APBA2: variants seen among roughly 807,000 people sequenced by gnomAD.
APBA2 encodes amyloid beta precursor protein binding family A member 2, also known as amyloid-beta A4 precursor protein-binding family A member 2.
APBA2 carries 30 observed loss-of-function variants against 75.0 expected under a neutral mutation model. The observed-to-expected ratio is 0.40, with a 90% CI of 0.30 to 0.54. The LOEUF (loss-of-function observed/expected upper bound fraction) is 0.54, where lower values mean the gene tolerates loss of function less well. Ranked by LOEUF, APBA2 falls within the 20% of genes least tolerant of loss-of-function variation. The probability of loss-of-function intolerance (pLI) is 0.49; values close to 1 mark genes in which losing one functional copy is unlikely to be tolerated. For synonymous variants in APBA2, 444 were observed against 409.6 expected (o/e 1.08, Z -1.01); for missense variants, 801 against 1,016.1 (o/e 0.79, Z 2.88).
chr15:28,934,469 T>C (rs1209664260), intron 2 of APBA2, among the ~76,000 whole-genome samples: 1 of 152,098 alleles, frequency 6.6e-6, no homozygotes, highest in African/African-American at 2.4e-5. Context: ...GGGAAAACTT[T>C]AGAGGCAGGA....
intron 14 of APBA2, 90 bp from the exon 15 acceptor site, chr15:29,116,972 C>T (rs995769245): frequency 7.2e-7 from 1 of 1,386,578 alleles, no homozygotes. Flanking sequence ...AAGCAGAACT[C>T]TGGGGGGTTT....
chr15:28,994,315 C>T (rs528893040), intron 2 of APBA2, among the ~76,000 whole-genome samples: 11 of 152,262 alleles, frequency 7.2e-5, no homozygotes, highest in Admixed American at 5.9e-4. Flanking sequence ...GACTCCACTG[C>T]GGAAAGCGTG....
At chr15:29,100,551 G>A (rs1441983023) in intron 9 of APBA2, among the ~76,000 whole-genome samples, 1 of 152,214 alleles carries the variant, frequency 6.6e-6, no homozygotes, top group Non-Finnish European at 1.5e-5. Context: ...TCCTGTCCAA[G>A]GACAAAAAAC....
At chr15:29,060,718 A>C (rs1010384429) in intron 4 of APBA2, among the ~76,000 whole-genome samples, 4 of 152,092 alleles carry the variant, frequency 2.6e-5, no homozygotes, top group Admixed American at 2.0e-4. Flanking sequence ...CAGATCAAAC[A>C]AGTCAAGTAA....
intron 6 of APBA2, among the ~76,000 whole-genome samples, chr15:29,081,132 T>C (rs1467592788): frequency 6.6e-6 from 1 of 152,198 alleles, no homozygotes; most frequent in Non-Finnish European, 1.5e-5. Flanking sequence ...AGCTGCTTTG[T>C]TGGTTTCATA....
At chr15:29,083,131 A>C (rs2043151317) in intron 6 of APBA2, among the ~76,000 whole-genome samples, 1 of 152,218 alleles carries the variant, frequency 6.6e-6, no homozygotes, top group African/African-American at 2.4e-5. Flanking sequence ...ATTATTTTAA[A>C]TTATTTAAAT....
At chr15:28,931,010 G>A (rs907675196) in intron 2 of APBA2, among the ~76,000 whole-genome samples, 7 of 152,194 alleles carry the variant, frequency 4.6e-5, no homozygotes, top group African/African-American at 1.4e-4. Context: ...CTCGGGTGCC[G>A]CGTCCGCAGA....
At chr15:29,029,880 C>T (rs934293658) in intron 3 of APBA2, among the ~76,000 whole-genome samples, 7 of 152,246 alleles carry the variant, frequency 4.6e-5, no homozygotes, top group African/African-American at 1.2e-4. Flanking sequence ...GGTGTGAGTT[C>T]GGGCACCAGC....
At chr15:28,957,632 G>A (rs1444107361) in intron 2 of APBA2, among the ~76,000 whole-genome samples, 6 of 152,120 alleles carry the variant, frequency 3.9e-5, no homozygotes, top group Non-Finnish European at 5.9e-5. Flanking sequence ...TTTGGATGGC[G>A]TTTTCCTGAT....
chr15:29,101,772 C>G lies in APBA2; in HGVS notation c.1512C>G (p.Phe504Leu), dbSNP rs781368703. The G allele has an allele frequency of 5.6e-6, 9 of 1,613,312 alleles. No individual in the cohort carries two copies. The highest frequency in any genetic ancestry group is 7.6e-6 in the Non-Finnish European group (9 of 1,179,888). ...KKQYKMICHV[F>L]ESEDAQLIAQ... ...AGTATAAGATGATCTGCCATGTGTT[C>G]GAGTCGGAGGATGTAAGTAAGCCCT... Residue 504 changes from phenylalanine (F) to leucine (L), a missense_variant, in exon 10 of 15, where the codon TTC (phenylalanine) becomes TTG (leucine). Physicochemically the swap from Phe to Leu is conservative, Grantham distance 22. This residue lies in a region of APBA2 where 367 missense variants were observed against 544.5 expected (regional missense o/e 0.67). Coordinates refer to ENST00000683413, the MANE Select transcript of APBA2 (RefSeq NM_001353788.2).
At chr15:28,979,019 TC>T (rs2152763731) in intron 2 of APBA2, among the ~76,000 whole-genome samples, 1 of 152,290 alleles carries the variant, frequency 6.6e-6, no homozygotes, top group Admixed American at 6.5e-5. Context: ...CTACAACGGG[TC>T]CCCAGGGTTG....
chr15:29,045,077 C>CTCTCTCTCTCTCTTTCTG (rs140649198), intron 3 of APBA2, among the ~76,000 whole-genome samples: 3 of 113,704 alleles, frequency 2.6e-5, no homozygotes, highest in African/African-American at 1.9e-4. Context: ...CCTTCTCTCT[C>CTCTCTCTCTCTCTTTCTG]TCTCTCTCTC....
At chr15:29,109,405 T>C (rs1445912588) in intron 13 of APBA2, among the ~76,000 whole-genome samples, 1 of 152,122 alleles carries the variant, frequency 6.6e-6, no homozygotes, top group Non-Finnish European at 1.5e-5. Flanking sequence ...GAGAGCTTAT[T>C]GCTTATTCAT....
At chr15:28,993,207 C>T (rs895681349) in intron 2 of APBA2, among the ~76,000 whole-genome samples, 1 of 152,212 alleles carries the variant, frequency 6.6e-6, no homozygotes, top group Non-Finnish European at 1.5e-5. Flanking sequence ...CCAGGGACTT[C>T]CCGGCTCTCG....
intron 3 of APBA2, among the ~76,000 whole-genome samples, chr15:29,003,443 G>A (rs1873278): frequency 0.037 from 5,625 of 152,310 alleles, 142 homozygotes; most frequent in African/African-American, 0.062. Flanking sequence ...GACTCTTGCT[G>A]TTTGAGGAAA....
chr15:29,106,613 C>G lies in APBA2; in HGVS notation c.1711C>G (p.Leu571Val), dbSNP rs370580206. The change falls in exon 12 of 15, where the codon CTG becomes GTG. Residue 571 changes from leucine (L) to valine (V), a missense_variant. Transcript: ENST00000683413. Reference protein sequence around the residue: ...SNSENCKELQLEKHKGEILGV... With the variant: ...SNSENCKELQVEKHKGEILGV... ...ACTGCTGATCCCTTTGCAGCTGCAG[C>G]TGGAGAAGCACAAGGGCGAGATCCT... 3.2e-5 allele frequency: 51 copies of G among 1,613,074 alleles called. 1 individual carries two copies. Among genetic ancestry groups the G allele is most frequent in the Non-Finnish European group, 4.1e-5 (48 of 1,180,024 alleles).
At chr15:28,886,944 G>C (rs1404899491) in intron 1 of APBA2, among the ~76,000 whole-genome samples, 1 of 152,228 alleles carries the variant, frequency 6.6e-6, no homozygotes, top group Non-Finnish European at 1.5e-5. Flanking sequence ...AGATGGTGAA[G>C]GAGAACATCG....
At chr15:28,981,160 A>G (rs1170867466) in intron 2 of APBA2, among the ~76,000 whole-genome samples, 1 of 152,244 alleles carries the variant, frequency 6.6e-6, no homozygotes, top group East Asian at 1.9e-4. Flanking sequence ...AACAAAAACA[A>G]AAATCAACAA....
chr15:28,998,353 T>C (rs1365007212), intron 3 of APBA2, among the ~76,000 whole-genome samples: 1 of 152,306 alleles, frequency 6.6e-6, no homozygotes, highest in African/African-American at 2.4e-5. Flanking sequence ...ATAAGCTGTA[T>C]TTAAATCACG....
Sources: allele counts gnomAD v4.1 joint callset (sites outside exome capture counted in the v4.1 genomes callset), GRCh38; gene constraint gnomAD v4.1.1; regional missense constraint gnomAD v4.1.1; transcripts MANE v1.5; gene names NCBI Gene and HGNC (gene_info 2026-07-23, HGNC 2026-07-21).